The following CACNA2D3 variants were observed in gnomAD, a reference collection of about 807,000 sequenced individuals.
CACNA2D3 encodes calcium voltage-gated channel auxiliary subunit alpha2delta 3, also known as voltage-dependent calcium channel subunit alpha-2/delta-3.
Under a neutral mutation model 160.6 loss-of-function variants are expected in CACNA2D3, and 60 were observed. The observed-to-expected ratio is 0.37, with a 90% CI of 0.30 to 0.46. The LOEUF (loss-of-function observed/expected upper bound fraction) is 0.46. CACNA2D3 is among the 20% of genes least tolerant of loss of function. The pLI, the probability that CACNA2D3 is intolerant of heterozygous loss-of-function variation, is 1.00. For missense variants in CACNA2D3, 1,205 were observed against 1,365.0 expected, an observed-to-expected ratio of 0.88 and a Z score of 1.85; for synonymous variants, 558 against 492.9, an observed-to-expected ratio of 1.13 and a Z score of -1.75.
intron 13 of CACNA2D3, among the ~76,000 whole-genome samples, chr3:54,766,679 G>C (rs552162107): frequency 6.6e-6 from 1 of 152,158 alleles, no homozygotes; most frequent in Admixed American, 6.5e-5. Context: ...TTCAAAATAT[G>C]GGAAGTTACC....
At chr3:54,591,525 T>A (rs537997409) in intron 9 of CACNA2D3, among the ~76,000 whole-genome samples, 1 of 151,608 alleles carries the variant, frequency 6.6e-6, no homozygotes, top group Admixed American at 6.6e-5. Flanking sequence ...TGAATGAATT[T>A]GAGTAGATAA....
intron 2 of CACNA2D3, among the ~76,000 whole-genome samples, chr3:54,254,876 A>G (rs1011254835): frequency 3.3e-5 from 5 of 152,200 alleles, no homozygotes; most frequent in Non-Finnish European, 7.3e-5. Context: ...GGCTTTATCA[A>G]TGGAATCTAT....
At chr3:54,825,221 AGTT>A (rs1422793544) in intron 14 of CACNA2D3, among the ~76,000 whole-genome samples, 3 of 152,230 alleles carry the variant, frequency 2.0e-5, no homozygotes, top group Admixed American at 6.5e-5. Flanking sequence ...TTTTCATCTC[AGTT>A]GTTCTTACAT....
intron 11 of CACNA2D3, among the ~76,000 whole-genome samples, chr3:54,694,946 T>C (rs1451916810): frequency 6.6e-6 from 1 of 152,224 alleles, no homozygotes; most frequent in Non-Finnish European, 1.5e-5. Flanking sequence ...TTTCACAAAG[T>C]GAGGATCATT....
chr3:54,957,051 A>G (rs1370976494), intron 27 of CACNA2D3, among the ~76,000 whole-genome samples: 1 of 152,210 alleles, frequency 6.6e-6, no homozygotes, highest in Non-Finnish European at 1.5e-5. Flanking sequence ...TTAAGCTTCT[A>G]GCAGACACCT....
At chr3:54,460,070 G>T (rs888717405) in intron 4 of CACNA2D3, among the ~76,000 whole-genome samples, 2 of 151,876 alleles carry the variant, frequency 1.3e-5, no homozygotes, top group Non-Finnish European at 2.9e-5. Flanking sequence ...GTTTGTCAAA[G>T]ATCAGATAGT....
At chr3:54,423,211 G>C (rs571535236) in intron 4 of CACNA2D3, among the ~76,000 whole-genome samples, 2 of 152,228 alleles carry the variant, frequency 1.3e-5, no homozygotes, top group African/African-American at 4.8e-5. Flanking sequence ...GGGATCAAAG[G>C]GGATATGTGC....
intron 11 of CACNA2D3, among the ~76,000 whole-genome samples, chr3:54,712,128 G>A (rs1700964062): frequency 6.6e-6 from 1 of 152,150 alleles, no homozygotes; most frequent in South Asian, 2.1e-4. Flanking sequence ...CTCAATGCCA[G>A]TTTCTTCATC....
intron 11 of CACNA2D3, among the ~76,000 whole-genome samples, chr3:54,648,054 G>T (rs1200535586): frequency 1.3e-4 from 20 of 152,138 alleles, no homozygotes; most frequent in Non-Finnish European, 1.5e-5. Flanking sequence ...AAAAGGAAAA[G>T]TCATGGAATT....
At position 54,220,071 on chromosome 3, in the gene CACNA2D3, G is replaced by T. The variant is rs558989471; in HGVS notation, c.204+96477G>T. 1.7e-4 allele frequency among the ~76,000 whole-genome samples: 26 copies of T among 152,082 alleles called. No individual in the cohort carries two copies. In the East Asian group the frequency reaches 5.0e-3, roughly 29 times the overall value. On this transcript the variant is annotated intron_variant, in intron 2 of 37. Transcript: ENST00000474759. Reference sequence around the variant, plus strand: ...GTTTCTTAATGGAATTTCAAGCAACGTTTTGATTGAGAACTTCCATACAAA... The same window carrying T: ...GTTTCTTAATGGAATTTCAAGCAACTTTTTGATTGAGAACTTCCATACAAA...
chr3:54,461,357 G>A (rs1483774140), intron 4 of CACNA2D3, among the ~76,000 whole-genome samples: 2 of 150,970 alleles, frequency 1.3e-5, no homozygotes, highest in African/African-American at 2.4e-5. Context: ...AATGGTACCA[G>A]TTCCTCCTTG....
intron 3 of CACNA2D3, among the ~76,000 whole-genome samples, chr3:54,384,205 A>T (rs147966379): frequency 6.6e-6 from 1 of 151,742 alleles, no homozygotes; most frequent in East Asian, 1.9e-4. Flanking sequence ...CATTTTATCA[A>T]CTTTTTTTCT....
intron 4 of CACNA2D3, among the ~76,000 whole-genome samples, chr3:54,487,451 G>T (rs935918268): frequency 6.6e-5 from 10 of 152,158 alleles, no homozygotes; most frequent in African/African-American, 2.4e-4. Flanking sequence ...TCTTACTGTC[G>T]CTTGGGGACA....
At chr3:54,245,311 G>A (rs1305764817) in intron 2 of CACNA2D3, among the ~76,000 whole-genome samples, 1 of 147,890 alleles carries the variant, frequency 6.8e-6, no homozygotes, top group Non-Finnish European at 1.5e-5. Flanking sequence ...GTGTATGGGT[G>A]TGTGTGTGTG....
intron 4 of CACNA2D3, among the ~76,000 whole-genome samples, chr3:54,493,060 CTTTTTTTTTTTTTTTTTTTTTTTTT>C (rs34225864): frequency 1.7e-5 from 1 of 58,770 alleles, no homozygotes. Context: ...TTGCTCAAAA[CTTTTTTTTTTTTTTTTTTTTTTTTT>C]TTTTTTTTTG....
intron 2 of CACNA2D3, among the ~76,000 whole-genome samples, chr3:54,133,749 G>A (rs1278204919): frequency 6.6e-6 from 1 of 152,198 alleles, no homozygotes; most frequent in Non-Finnish European, 1.5e-5. Context: ...TGACTCCTAA[G>A]ATGCGTTTCT....
At chr3:54,540,102 A>G (rs1362319555) in intron 5 of CACNA2D3, among the ~76,000 whole-genome samples, 1 of 152,120 alleles carries the variant, frequency 6.6e-6, no homozygotes, top group Non-Finnish European at 1.5e-5. Context: ...CATCTCCTCT[A>G]ATCAAGTGGT....
intron 2 of CACNA2D3, among the ~76,000 whole-genome samples, chr3:54,223,663 G>A (rs1490003493): frequency 6.6e-6 from 1 of 152,010 alleles, no homozygotes; most frequent in African/African-American, 2.4e-5. Context: ...AGACCAGCCT[G>A]ACCAACATGG....
intron 6 of CACNA2D3, among the ~76,000 whole-genome samples, chr3:54,569,559 A>G (rs1370280461): frequency 6.6e-6 from 1 of 152,086 alleles, no homozygotes; most frequent in Non-Finnish European, 1.5e-5. Context: ...TCCTAAAAAC[A>G]TCTCCACTCT....
Sources: allele counts gnomAD v4.1 joint callset (sites outside exome capture counted in the v4.1 genomes callset), GRCh38; gene constraint gnomAD v4.1.1; transcripts MANE v1.5; gene names NCBI Gene and HGNC (gene_info 2026-07-23, HGNC 2026-07-21).